TNR: variants seen among roughly 807,000 people sequenced by gnomAD.
TNR encodes the protein tenascin-R.
In TNR, 45 loss-of-function variants were observed where a neutral mutation model predicts 150.4. The ratio of observed to expected loss-of-function variants is 0.30; its 90% CI spans 0.24 to 0.38. The LOEUF (loss-of-function observed/expected upper bound fraction) is 0.38. Among genes scored for constraint, TNR ranks in the 10% least tolerant of loss-of-function variants. TNR has a pLI of 1.00. For missense variants in TNR, 1,544 were observed against 1,759.1 expected, an observed-to-expected ratio of 0.88 and a Z score of 2.19; for synonymous variants, 687 against 678.4, an observed-to-expected ratio of 1.01 and a Z score of -0.20.
chr1:175,633,061 C>T (rs1430095273), intron 1 of TNR, among the ~76,000 whole-genome samples: 1 of 152,172 alleles, frequency 6.6e-6, no homozygotes, highest in African/African-American at 2.4e-5. Context: ...GGAATACCCA[C>T]CCCCTCTTCC....
At chr1:175,568,296 C>A (rs1661721148) in intron 1 of TNR, among the ~76,000 whole-genome samples, 1 of 150,864 alleles carries the variant, frequency 6.6e-6, no homozygotes, top group Non-Finnish European at 1.5e-5. Flanking sequence ...AACATACAAG[C>A]CTAACTGCTG....
At chr1:175,512,133 A>G (rs561447349) in intron 2 of TNR, among the ~76,000 whole-genome samples, 1 of 152,352 alleles carries the variant, frequency 6.6e-6, no homozygotes, top group South Asian at 2.1e-4. Flanking sequence ...TCCTTGGAAG[A>G]GAACTCTCTT....
intron 1 of TNR, among the ~76,000 whole-genome samples, chr1:175,665,792 C>A (rs906352499): frequency 1.3e-5 from 2 of 152,100 alleles, no homozygotes; most frequent in African/African-American, 2.4e-5. Context: ...TATAGTTCAG[C>A]GAGGAAGTCA....
intron 2 of TNR, among the ~76,000 whole-genome samples, chr1:175,526,637 A>G (rs943202300): frequency 1.3e-5 from 2 of 152,226 alleles, no homozygotes; most frequent in African/African-American, 4.8e-5. Context: ...CCTATCTGGG[A>G]CCATTTAAAT....
intron 2 of TNR, among the ~76,000 whole-genome samples, chr1:175,490,752 C>A (rs904306422): frequency 6.6e-6 from 1 of 152,060 alleles, no homozygotes; most frequent in Non-Finnish European, 1.5e-5. Flanking sequence ...GAAAAAGGAA[C>A]AATTTTACAC....
At position 175,707,476 on chromosome 1, in the gene TNR, G is replaced by A. The variant is rs114475213; in HGVS notation, c.-165+35750C>T. Among the ~76,000 whole-genome samples, 1,161 of 152,248 alleles carry A rather than the reference G, an allele frequency of 7.6e-3. 16 individuals are homozygous for A. Among genetic ancestry groups the A allele is most frequent in the African/African-American group, 0.027 (1,101 of 41,546 alleles). Reference sequence around the variant, plus strand: ...AATCCATAGTAAATTTGTTCAGACCGTGGTATGAAATGAAATCCCAAATTT... The same window carrying A: ...AATCCATAGTAAATTTGTTCAGACCATGGTATGAAATGAAATCCCAAATTT... On this transcript the variant is annotated intron_variant, in intron 1 of 22. Transcript: ENST00000367674.
chr1:175,471,384 T>C (rs1479644821), intron 2 of TNR, among the ~76,000 whole-genome samples: 1 of 152,210 alleles, frequency 6.6e-6, no homozygotes, highest in Admixed American at 6.5e-5. Flanking sequence ...GTGAACATCA[T>C]AGAATGCACT....
Position 175,337,800 on chromosome 1 carries a change from C to G in TNR, c.3383-121G>C. ...ACATCATCAACAGCTGTAAGAAATC[C>G]TCAACGGAGCTCAAGGTGTGGGTGT... On this transcript the variant is annotated intron_variant, in intron 18 of 22. Transcript: ENST00000367674. The G allele has an allele frequency of 1.8e-6, 2 of 1,136,242 alleles. 1 individual carries two copies. 70.4% of individuals were successfully genotyped at this position (1,136,242 alleles called of 1,614,324 possible).
chr1:175,666,269 C>G (rs1460548265), intron 1 of TNR, among the ~76,000 whole-genome samples: 3 of 152,212 alleles, frequency 2.0e-5, no homozygotes, highest in African/African-American at 7.2e-5. Context: ...CTGGCTTTAT[C>G]TCTCTGGCCA....
At chr1:175,668,788 G>A (rs1665605476) in intron 1 of TNR, among the ~76,000 whole-genome samples, 1 of 152,138 alleles carries the variant, frequency 6.6e-6, no homozygotes, top group African/African-American at 2.4e-5. Context: ...AACAACTGAG[G>A]CTAAAAGAAG....
At chr1:175,513,581 G>A (rs1571545724) in intron 2 of TNR, among the ~76,000 whole-genome samples, 2 of 152,256 alleles carry the variant, frequency 1.3e-5, no homozygotes, top group Middle Eastern at 6.8e-3. Flanking sequence ...AAGGTTCAAT[G>A]TTATAGGTGC....
At position 175,589,846 on chromosome 1, in the gene TNR, A is replaced by G. The variant is rs148071920; in HGVS notation, c.-164-61477T>C. ...GGAACATCACACACCGGGGCCTGTC[A>G]GGGGGTTGGGGGCTAGGGGAGGGAT... is the stretch of plus-strand genomic sequence containing the variant. On this transcript the variant is annotated intron_variant, in intron 1 of 22. Coordinates refer to ENST00000367674, the MANE Select transcript of TNR (RefSeq NM_003285.3). Among the ~76,000 whole-genome samples, 253 of 150,314 alleles carry G rather than the reference A, an allele frequency of 1.7e-3. 3 individuals are homozygous for G. The East Asian group carries it at 0.043, about 25-fold the overall frequency.
chr1:175,509,317 G>A (rs533070454), intron 2 of TNR, among the ~76,000 whole-genome samples: 5 of 152,294 alleles, frequency 3.3e-5, no homozygotes, highest in Admixed American at 2.6e-4. Context: ...TCTTTTTGCA[G>A]CACTGATCCT....
intron 1 of TNR, among the ~76,000 whole-genome samples, chr1:175,547,735 G>A (rs529295855): frequency 6.6e-6 from 1 of 152,338 alleles, no homozygotes; most frequent in East Asian, 1.9e-4. Flanking sequence ...TAGACAGAAG[G>A]AGAAGCATGT....
intron 1 of TNR, among the ~76,000 whole-genome samples, chr1:175,696,446 T>G (rs1372088758): frequency 1.3e-5 from 2 of 152,038 alleles, no homozygotes; most frequent in Non-Finnish European, 1.5e-5. Flanking sequence ...GTTGTTCAGA[T>G]GGTACACTGC....
chr1:175,535,925 A>G (rs1294198344), intron 1 of TNR, among the ~76,000 whole-genome samples: 1 of 152,204 alleles, frequency 6.6e-6, no homozygotes, highest in Non-Finnish European at 1.5e-5. Flanking sequence ...AGCAAGTCAC[A>G]GTAGTATCAG....
chr1:175,660,118 C>T (rs1400038879), intron 1 of TNR, among the ~76,000 whole-genome samples: 1 of 152,166 alleles, frequency 6.6e-6, no homozygotes, highest in East Asian at 1.9e-4. Flanking sequence ...CATCCCCTCT[C>T]TGGACTCAGT....
At position 175,411,840 on chromosome 1, in the gene TNR, G is replaced by C. The variant is rs1270091086; in HGVS notation, c.-63-5063C>G. 2.6e-5 allele frequency among the ~76,000 whole-genome samples: 4 copies of C among 152,200 alleles called. No homozygotes were observed. The East Asian group carries it at 5.8e-4, about 22-fold the overall frequency. On this transcript the variant is annotated intron_variant, in intron 2 of 22. Coordinates refer to ENST00000367674, the MANE Select transcript of TNR (RefSeq NM_003285.3). ...GACTTCAACACGTCTTCTTTGGAAA[G>C]CGGGGACACAATTCAGCCCATAACA...
At chr1:175,340,707 C>G (rs1282076407) in intron 18 of TNR, among the ~76,000 whole-genome samples, 10 of 152,234 alleles carry the variant, frequency 6.6e-5, no homozygotes, top group African/African-American at 9.6e-5. Context: ...TTTGAACCTT[C>G]TCTTTGTCTG....
Sources: gnomAD v4.1 joint callset for allele counts (sites outside exome capture counted in the v4.1 genomes callset) on GRCh38, gnomAD v4.1.1 for gene constraint, MANE v1.5 for transcripts, NCBI Gene and HGNC (gene_info 2026-07-23, HGNC 2026-07-21) for gene names.